Variants in SGCZ observed in about 807,000 individuals in gnomAD.
SGCZ encodes zeta-sarcoglycan.
A neutral mutation model predicts 41.3 loss-of-function variants in SGCZ; 40 were observed. That is an observed-to-expected ratio of 0.97 (90% CI 0.75 to 1.26). SGCZ has a LOEUF of 1.26. SGCZ is among the 50% of genes most tolerant of loss of function. The pLI, the probability that SGCZ is intolerant of heterozygous loss-of-function variation, is 0.00. For synonymous variants in SGCZ, 206 were observed against 137.5 expected, an observed-to-expected ratio of 1.50 and a Z score of -3.49; for missense variants, 552 against 369.8, an observed-to-expected ratio of 1.49 and a Z score of -4.04.
At chr8:14,422,432 G>C (rs1799660379) in intron 2 of SGCZ, among the ~76,000 whole-genome samples, 1 of 152,150 alleles carries the variant, frequency 6.6e-6, no homozygotes, top group African/African-American at 2.4e-5. Context: ...AACTGTATTG[G>C]AGACAATTTT....
Position 14,560,118 on chromosome 8 carries a change from G to A in SGCZ, c.40-5192C>T, listed in dbSNP as rs573523403. On this transcript the variant is annotated intron_variant, in intron 1 of 7. Transcript: ENST00000382080. ...GTGTACAAAATACAGTTCGATAGAAGGGATGAGTTCTAGCATTTCAGCAGA... is the reference window on the plus strand; with the variant it reads ...GTGTACAAAATACAGTTCGATAGAAAGGATGAGTTCTAGCATTTCAGCAGA... Among the ~76,000 whole-genome samples the A allele has an allele frequency of 1.1e-4, 17 of 152,108 alleles. 1 individual carries two copies. In the South Asian group the frequency reaches 3.3e-3, roughly 30 times the overall value.
At chr8:14,276,747 C>T (rs1800248272) in intron 3 of SGCZ, among the ~76,000 whole-genome samples, 2 of 152,152 alleles carry the variant, frequency 1.3e-5, no homozygotes, top group Admixed American at 6.6e-5. Flanking sequence ...CACCACTCTG[C>T]CTTCTGTTTA....
intron 1 of SGCZ, among the ~76,000 whole-genome samples, chr8:15,181,409 C>T (rs1800174977): frequency 6.6e-6 from 1 of 151,906 alleles, no homozygotes; most frequent in Admixed American, 6.6e-5. Flanking sequence ...AGCCTAGATA[C>T]CCAAATAAAA....
chr8:15,073,935 T>A (rs868757599), intron 1 of SGCZ, among the ~76,000 whole-genome samples: 3 of 152,234 alleles, frequency 2.0e-5, no homozygotes, highest in Admixed American at 6.5e-5. Flanking sequence ...TCTCTGCACA[T>A]AGGCCAACCT....
At chr8:14,634,677 G>A (rs897182540) in intron 1 of SGCZ, among the ~76,000 whole-genome samples, 6 of 151,828 alleles carry the variant, frequency 4.0e-5, no homozygotes, top group Non-Finnish European at 7.4e-5. Flanking sequence ...TGGATATTAA[G>A]AGGAACCTGA....
At chr8:14,279,065 C>T (rs935992751) in intron 3 of SGCZ, among the ~76,000 whole-genome samples, 2 of 152,036 alleles carry the variant, frequency 1.3e-5, no homozygotes, top group Non-Finnish European at 1.5e-5. Context: ...TATTGTGCCA[C>T]TTCTCTTACT....
Position 14,213,506 on chromosome 8 carries a change from T to G in SGCZ, c.424+24086A>C, listed in dbSNP as rs555756263. ...AACACCTTCTTATACAAAGAAAAAA[T>G]AAGAGAATATGTTATCAGTAGATCT... On this transcript the variant is annotated intron_variant, in intron 4 of 7. Transcript: ENST00000382080. Among the ~76,000 whole-genome samples, 9 of 151,912 alleles carry G rather than the reference T, an allele frequency of 5.9e-5. No homozygotes were observed. In the South Asian group the frequency reaches 1.9e-3, roughly 32 times the overall value.
chr8:14,510,254 C>G lies in SGCZ; in HGVS notation c.234+44478G>C, dbSNP rs1378804227. Among the ~76,000 whole-genome samples the G allele has an allele frequency of 2.6e-5, 4 of 152,140 alleles. No individual in the cohort carries two copies. The East Asian group carries it at 7.7e-4, about 29-fold the overall frequency. ...TTATGGAAGTAAAATAAGAGGCAGA[C>G]TGGTGGAGTAGAAAGTAAACTGAAA... On this transcript the variant is annotated intron_variant, in intron 2 of 7. Coordinates refer to ENST00000382080, the MANE Select transcript of SGCZ (RefSeq NM_139167.4).
intron 1 of SGCZ, among the ~76,000 whole-genome samples, chr8:14,965,601 G>C (rs1245262516): frequency 6.6e-6 from 1 of 152,144 alleles, no homozygotes; most frequent in Non-Finnish European, 1.5e-5. Flanking sequence ...GTGAGCAATA[G>C]AGAGAGGAAT....
intron 1 of SGCZ, among the ~76,000 whole-genome samples, chr8:14,637,588 C>G (rs538286261): frequency 6.8e-4 from 103 of 151,650 alleles, no homozygotes; most frequent in African/African-American, 2.2e-3. Flanking sequence ...TTTTTTGTTC[C>G]TGCATTAATT....
In SGCZ at chr8:14,228,181, A is replaced by G. The variant is rs895288473; in HGVS notation, c.424+9411T>C. Reference sequence around the variant, plus strand: ...CAAAGACATGTTTCTTATCAAGGCAAACACAAAACTGCATGTTCCATAAGA... The same window carrying G: ...CAAAGACATGTTTCTTATCAAGGCAGACACAAAACTGCATGTTCCATAAGA... On this transcript the variant is annotated intron_variant, in intron 4 of 7. Coordinates refer to ENST00000382080, the MANE Select transcript of SGCZ (RefSeq NM_139167.4). Among the ~76,000 whole-genome samples the G allele has an allele frequency of 3.3e-5, 5 of 152,200 alleles. No individual in the cohort carries two copies. In the Middle Eastern group the frequency reaches 0.01, roughly 311 times the overall value.
At chr8:14,129,449 A>G (rs1802968274) in intron 5 of SGCZ, among the ~76,000 whole-genome samples, 2 of 151,586 alleles carry the variant, frequency 1.3e-5, no homozygotes, top group African/African-American at 2.4e-5. Flanking sequence ...ATAAACATGT[A>G]GAAATTAAAC....
intron 1 of SGCZ, among the ~76,000 whole-genome samples, chr8:14,814,248 G>A (rs1280000865): frequency 6.6e-6 from 1 of 152,004 alleles, no homozygotes; most frequent in Non-Finnish European, 1.5e-5. Flanking sequence ...AAAGCCTTAG[G>A]GGACCTGACT....
At chr8:14,594,830 C>T (rs1389765217) in intron 1 of SGCZ, among the ~76,000 whole-genome samples, 3 of 151,528 alleles carry the variant, frequency 2.0e-5, no homozygotes, top group Admixed American at 6.6e-5. Context: ...TGACGTAAGA[C>T]GTTTTCCTTA....
chr8:14,218,139 G>A (rs974980574), intron 4 of SGCZ, among the ~76,000 whole-genome samples: 1 of 152,066 alleles, frequency 6.6e-6, no homozygotes, highest in Non-Finnish European at 1.5e-5. Flanking sequence ...ATAAGGCAAA[G>A]CATTTAAAAT....
At position 14,775,580 on chromosome 8, in the gene SGCZ, A is replaced by T. The variant is rs566550762; in HGVS notation, c.40-220654T>A. On this transcript the variant is annotated intron_variant, in intron 1 of 7. Transcript: ENST00000382080. ...CCTTCATATTATTTATAACGAATTA[A>T]TAAAAATATTATCAAACAACTTAAC... 3.3e-5 allele frequency among the ~76,000 whole-genome samples: 5 copies of T among 152,190 alleles called. No homozygotes were observed. In the East Asian group the frequency reaches 7.8e-4, roughly 24 times the overall value.
chr8:15,006,216 T>C (rs545485691), intron 1 of SGCZ, among the ~76,000 whole-genome samples: 2 of 152,346 alleles, frequency 1.3e-5, no homozygotes, highest in East Asian at 3.9e-4. Flanking sequence ...GCACTAGACA[T>C]ACTGATGATG....
intron 2 of SGCZ, among the ~76,000 whole-genome samples, chr8:14,482,910 C>T (rs750481522): frequency 1.3e-5 from 2 of 152,056 alleles, no homozygotes; most frequent in Admixed American, 6.6e-5. Context: ...TCTCCGTTTG[C>T]AGACCACTAA....
At chr8:14,375,843 A>G (rs1031955143) in intron 2 of SGCZ, among the ~76,000 whole-genome samples, 44 of 152,222 alleles carry the variant, frequency 2.9e-4, no homozygotes, top group Admixed American at 1.4e-3. Context: ...AATGGAATCC[A>G]AAACAAAGGA....
Sources: gnomAD v4.1 joint callset for allele counts (sites outside exome capture counted in the v4.1 genomes callset) on GRCh38, gnomAD v4.1.1 for gene constraint, MANE v1.5 for transcripts, NCBI Gene and HGNC (gene_info 2026-07-23, HGNC 2026-07-21) for gene names.